Variants in SMARCC1 observed in about 807,000 individuals in gnomAD.
SMARCC1 encodes the protein SWI/SNF complex subunit SMARCC1.
A neutral mutation model predicts 147.4 loss-of-function variants in SMARCC1; 43 were observed. The observed-to-expected ratio is 0.29, with a 90% CI of 0.23 to 0.38. The LOEUF (loss-of-function observed/expected upper bound fraction) is 0.38, where lower values mean the gene tolerates loss of function less well. SMARCC1 is among the 10% of genes least tolerant of loss of function. The pLI is 1.00. For missense variants in SMARCC1, 1,119 were observed against 1,381.1 expected (o/e 0.81, Z 3.01); for synonymous variants, 495 against 484.4 (o/e 1.02, Z -0.29).
chr3:47,667,517 G>T (rs1444086585), intron 19 of SMARCC1, among the ~76,000 whole-genome samples: 1 of 152,194 alleles, frequency 6.6e-6, no homozygotes, highest in Non-Finnish European at 1.5e-5. Context: ...TTCAAGTCTT[G>T]TCACTTTCAA....
intron 19 of SMARCC1, among the ~76,000 whole-genome samples, chr3:47,666,736 T>G (rs2033425142): frequency 6.6e-6 from 1 of 152,184 alleles, no homozygotes; most frequent in African/African-American, 2.4e-5. Context: ...TGGGGGGATT[T>G]TTTTTTAAGC....
intron 2 of SMARCC1, among the ~76,000 whole-genome samples, chr3:47,751,553 AAAG>A (rs1435976418): frequency 1.1e-4 from 16 of 151,596 alleles, no homozygotes; most frequent in Non-Finnish European, 1.5e-5. Context: ...AAAAAAAAAA[AAAG>A]AAAACAAAAC....
rs1164589741 is a variant in SMARCC1 at position 47,632,298 on chromosome 3, T to TA, written c.2646+2891dup. Among the ~76,000 whole-genome samples, 237 of 150,970 alleles carry TA rather than the reference T, an allele frequency of 1.6e-3. 1 individual carries two copies. The highest frequency in any genetic ancestry group is 5.2e-3 in the African/African-American group (215 of 41,132). ...AACATCATGAAGGATTTGTGAAACT[T>TA]AAAAAAAAAATTTTTTTTTTGTAGA... On this transcript the variant is annotated intron_variant, in intron 24 of 27. Coordinates refer to ENST00000254480, the MANE Select transcript of SMARCC1 (RefSeq NM_003074.4).
intron 25 of SMARCC1, among the ~76,000 whole-genome samples, chr3:47,615,693 CTTTTT>C (rs879344543): frequency 2.0e-5 from 3 of 152,006 alleles, no homozygotes; most frequent in Non-Finnish European, 1.5e-5. Context: ...CTTTTCTTTT[CTTTTT>C]TTAAGACAGA....
intron 2 of SMARCC1, among the ~76,000 whole-genome samples, chr3:47,766,721 T>A (rs2034845079): frequency 6.6e-6 from 1 of 152,240 alleles, no homozygotes; most frequent in African/African-American, 2.4e-5. Context: ...TTTTGTTTTA[T>A]ACCCACATCT....
intron 24 of SMARCC1, 90 bp from the exon 25 acceptor site, chr3:47,622,431 T>A: frequency 7.9e-7 from 1 of 1,260,844 alleles, no homozygotes; most frequent in Non-Finnish European, 1.1e-6. Context: ...GTAGAGATTA[T>A]ATAATTTACA....
At chr3:47,724,795 C>T (rs565708905) in intron 6 of SMARCC1, among the ~76,000 whole-genome samples, 76 of 152,218 alleles carry the variant, frequency 5.0e-4, no homozygotes, top group African/African-American at 1.5e-3. Flanking sequence ...GTGGCTCACG[C>T]CTGTAATCCC....
At chr3:47,601,236 G>A (rs2049300) in intron 26 of SMARCC1, among the ~76,000 whole-genome samples, 1 of 151,450 alleles carries the variant, frequency 6.6e-6, no homozygotes, top group African/African-American at 2.4e-5. Context: ...CAGGTTTATT[G>A]TATCTTTTAC....
At chr3:47,673,718 G>A (rs2033534513) in intron 18 of SMARCC1, among the ~76,000 whole-genome samples, 1 of 152,050 alleles carries the variant, frequency 6.6e-6, no homozygotes, top group South Asian at 2.1e-4. Context: ...TATTTCTGGA[G>A]GTATGATACA....
intron 22 of SMARCC1, among the ~76,000 whole-genome samples, chr3:47,636,804 G>A (rs1438787412): frequency 6.8e-6 from 1 of 146,280 alleles, no homozygotes; most frequent in African/African-American, 2.6e-5. Context: ...GTGTGTGTGT[G>A]TGTGTGTGTG....
chr3:47,706,181 C>G (rs943169987), intron 10 of SMARCC1, among the ~76,000 whole-genome samples: 53 of 152,134 alleles, frequency 3.5e-4, no homozygotes, highest in Non-Finnish European at 1.5e-4. Context: ...AAGTGATTCT[C>G]CAGCCTCAGC....
intron 5 of SMARCC1, 150 bp downstream of exon 5, chr3:47,735,884 A>G: frequency 6.4e-6 from 3 of 468,584 alleles, no homozygotes; most frequent in Admixed American, 4.2e-5. Context: ...TAAAAAGAAA[A>G]AAAAAAAAAA....
intron 18 of SMARCC1, among the ~76,000 whole-genome samples, chr3:47,674,848 T>G (rs1036666530): frequency 6.6e-6 from 1 of 152,212 alleles, no homozygotes; most frequent in African/African-American, 2.4e-5. Flanking sequence ...CATTCTCTTA[T>G]GGGTTTCTAA....
At chr3:47,697,319 T>A (rs1576414547) in intron 11 of SMARCC1, among the ~76,000 whole-genome samples, 2 of 149,762 alleles carry the variant, frequency 1.3e-5, no homozygotes, top group East Asian at 2.0e-4. Flanking sequence ...TTTTTTTTTT[T>A]AGATGGAGTC....
At chr3:47,753,436 G>A (rs1051897302) in intron 2 of SMARCC1, among the ~76,000 whole-genome samples, 5 of 151,652 alleles carry the variant, frequency 3.3e-5, no homozygotes, top group East Asian at 3.9e-4. Context: ...AAAGTAGGCC[G>A]GGTGCGATGG....
intron 11 of SMARCC1, among the ~76,000 whole-genome samples, chr3:47,694,231 T>G (rs1194222353): frequency 1.3e-5 from 2 of 152,228 alleles, no homozygotes; most frequent in African/African-American, 4.8e-5. Flanking sequence ...ATTATCTTTG[T>G]GGGTGCATGC....
intron 14 of SMARCC1, 31 bp downstream of exon 14, chr3:47,686,018 C>A (rs1027052962): frequency 1.9e-6 from 3 of 1,607,458 alleles, no homozygotes; most frequent in Non-Finnish European, 2.6e-6. Flanking sequence ...CTGCTCAGTA[C>A]CATGCTCACA....
Position 47,781,615 on chromosome 3 carries a change from C to T in SMARCC1, c.183G>A (p.Lys61=), listed in dbSNP as rs1407220085. The T allele has an allele frequency of 6.5e-7, 1 of 1,548,376 alleles. No individual in the cohort carries two copies. The highest frequency in any genetic ancestry group is 8.7e-7 in the Non-Finnish European group (1 of 1,151,954). ...QLDSVRVWLG[K]HYKKYVHADA... ...CGCGCGAACCCACCTTCTTGTAGTG[C>T]TTGCCCAGCCAGACCCGCACCGAAT... Residue 61 remains lysine, a synonymous_variant, in exon 1 of 28, where the codon AAG becomes AAA. Coordinates refer to ENST00000254480, the MANE Select transcript of SMARCC1 (RefSeq NM_003074.4).
intron 3 of SMARCC1, among the ~76,000 whole-genome samples, chr3:47,745,435 G>T (rs536902278): frequency 6.6e-6 from 1 of 152,064 alleles, no homozygotes; most frequent in South Asian, 2.1e-4. Flanking sequence ...GGTTGTGGCC[G>T]GGTGCGGTGG....
Sources: allele counts gnomAD v4.1 joint callset (sites outside exome capture counted in the v4.1 genomes callset), GRCh38; gene constraint gnomAD v4.1.1; transcripts MANE v1.5; gene names NCBI Gene and HGNC (gene_info 2026-07-23, HGNC 2026-07-21).